Variants in CIBAR1 observed in about 807,000 individuals in gnomAD.
The protein encoded by CIBAR1 is CBY1-interacting BAR domain-containing protein 1.
CIBAR1 carries 25 observed loss-of-function variants against 44.0 expected under a neutral mutation model. That is an observed-to-expected ratio of 0.57 (90% CI 0.41 to 0.79). CIBAR1 has a LOEUF of 0.79. Ranked by LOEUF, CIBAR1 falls within the 30% of genes least tolerant of loss-of-function variation. The probability of loss-of-function intolerance (pLI) is 0.00; values close to 1 mark genes in which losing one functional copy is unlikely to be tolerated. For synonymous variants in CIBAR1, 115 were observed against 119.0 expected (o/e 0.97, Z 0.22); for missense variants, 278 against 344.8 (o/e 0.81, Z 1.53).
Position 93,717,242 on chromosome 8 carries a change from C to G in CIBAR1, c.544-1433C>G, listed in dbSNP as rs116042095. ...TAGGAGTTTCCACACTCAAGAAAAC[C>G]TGACTCCTTTCTGGTTTGCAACTAT... On this transcript the variant is annotated intron_variant, in intron 6 of 8. Coordinates refer to ENST00000518322, the MANE Select transcript of CIBAR1 (RefSeq NM_145269.5). Among the ~76,000 whole-genome samples, 720 of 152,338 alleles carry G rather than the reference C, an allele frequency of 4.7e-3. 1 individual carries two copies. The highest frequency in any genetic ancestry group is 0.016 in the African/African-American group (671 of 41,572).
intron 6 of CIBAR1, among the ~76,000 whole-genome samples, chr8:93,714,309 T>C (rs115317327): frequency 1.7e-3 from 258 of 152,372 alleles, no homozygotes; most frequent in African/African-American, 5.5e-3. Context: ...TACTGACTTA[T>C]GTCTTACAAC....
At position 93,701,365 on chromosome 8, in the gene CIBAR1, C is replaced by T. The variant is rs780360404; in HGVS notation, c.168C>T (p.Asn56=). The T allele has an allele frequency of 3.7e-6, 6 of 1,613,784 alleles. No individual in the cohort carries two copies. Among genetic ancestry groups the T allele is most frequent in the African/African-American group, 1.3e-5 (1 of 74,982 alleles). Residue 56 remains asparagine (N), a synonymous_variant, in exon 2 of 9, where the codon AAC becomes AAT. Coordinates refer to ENST00000518322, the MANE Select transcript of CIBAR1 (RefSeq NM_145269.5). ...CAGACCTCCTGGTGAATGAAATTAA[C>T]GCGTATGCTGCTACAGAGACCCCGC... ...DKADLLVNEI[N]AYAATETPHL... is the part of the protein sequence containing the mutation.
At chr8:93,701,176 C>T in intron 1 of CIBAR1, 48 bp from the exon 2 acceptor site, 1 of 1,574,118 alleles carries the variant, frequency 6.4e-7, no homozygotes, top group African/African-American at 1.4e-5. Flanking sequence ...GTGAAGCCTT[C>T]TCATCTCTAA....
At chr8:93,716,916 G>C (rs561183473) in intron 6 of CIBAR1, among the ~76,000 whole-genome samples, 1 of 152,184 alleles carries the variant, frequency 6.6e-6, no homozygotes, top group African/African-American at 2.4e-5. Context: ...TTTCCTCTTT[G>C]CGAAAATGTT....
rs554540512 is a variant in CIBAR1, at chr8:93,728,541, G to A, written c.*244G>A. On this transcript the variant is annotated 3_prime_UTR_variant, in exon 9 of 9. Coordinates refer to ENST00000518322, the MANE Select transcript of CIBAR1 (RefSeq NM_145269.5). ...AAGTGCCTTTTTTTTTAAAGATGGTGTATTTCAAAGTATTTCATATTAATG... is the reference window on the plus strand; with the variant it reads ...AAGTGCCTTTTTTTTTAAAGATGGTATATTTCAAAGTATTTCATATTAATG... 12 of 309,336 alleles carry A rather than the reference G, an allele frequency of 3.9e-5. No homozygotes were observed. Among genetic ancestry groups the A allele is most frequent in the East Asian group, 2.7e-4 (4 of 14,684 alleles). 19.2% of individuals were successfully genotyped at this position (309,336 alleles called of 1,614,324 possible). A position where few individuals can be genotyped will look rare whatever the true frequency, so the allele number is the denominator to read the frequency against.
chr8:93,728,256 G>A lies in CIBAR1; in HGVS notation c.829G>A (p.Asp277Asn). ...KDQQAEDDED[D>N]ELDVTEEENF... ...TCAACAAGCAGAAGATGATGAGGAT[G>A]ACGAGTTAGATGTTACAGAAGAAGA... Residue 277 changes from aspartate to asparagine, a missense_variant, in exon 9 of 9, where the codon GAC becomes AAC. Physicochemically the swap from Asp to Asn is conservative, Grantham distance 23. Transcript: ENST00000518322. The A allele has an allele frequency of 6.3e-7, 1 of 1,598,766 alleles. No individual in the cohort carries two copies. Among genetic ancestry groups the A allele is most frequent in the Non-Finnish European group, 8.5e-7 (1 of 1,175,666 alleles).
intron 7 of CIBAR1, among the ~76,000 whole-genome samples, chr8:93,723,957 C>T (rs1229248147): frequency 6.6e-6 from 1 of 152,286 alleles, no homozygotes; most frequent in South Asian, 2.1e-4. Context: ...AGAGGCCAAG[C>T]GTGGTGGCTC....
Position 93,703,655 on chromosome 8 carries a change from G to C in CIBAR1, c.297G>C (p.Leu99Phe), listed in dbSNP as rs764870976. Residue 99 changes from leucine to phenylalanine, a missense_variant, in exon 3 of 9, where the codon TTG becomes TTC. Physicochemically the swap from Leu to Phe is conservative, Grantham distance 22 (BLOSUM62 0). Transcript: ENST00000518322. ...TTGAAGCCAAAGTAGTTGAACCCTT[G>C]AAAACTTATGGGACCATTGTGAAAA... ...ERLEAKVVEP[L>F]KTYGTIVKMK... 1.7e-5 allele frequency: 26 copies of C among 1,552,446 alleles called. No individual in the cohort carries two copies. The highest frequency in any genetic ancestry group is 2.3e-5 in the Non-Finnish European group (26 of 1,147,732).
chr8:93,725,844 G>A (rs1382659233), intron 7 of CIBAR1: 1 of 152,938 alleles, frequency 6.5e-6, no homozygotes, highest in Non-Finnish European at 1.5e-5. Flanking sequence ...GAAATGGTGG[G>A]GGTAGGGTAG....
At chr8:93,718,949 C>T (rs559587176) in intron 7 of CIBAR1, among the ~76,000 whole-genome samples, 161 bp downstream of exon 7, 3 of 152,022 alleles carry the variant, frequency 2.0e-5, no homozygotes, top group South Asian at 2.1e-4. Context: ...CTGCAACTTC[C>T]GTCTCGTGGG....
Position 93,726,177 on chromosome 8 carries a change from A to G in CIBAR1, c.658-217A>G, listed in dbSNP as rs993087048. 113 of 411,498 alleles carry G rather than the reference A, an allele frequency of 2.7e-4. No individual in the cohort carries two copies. The East Asian group carries it at 4.5e-3, about 16-fold the overall frequency. The allele number at this position is 411,498 out of a possible 1,614,324, so 25.5% of individuals were successfully genotyped here. On this transcript the variant is annotated intron_variant, in intron 7 of 8. Transcript: ENST00000518322. ...TTGTTTCATGACTAATTACTGTTTA[A>G]TATCTGTCATCATCTTACATAGTTC...
intron 7 of CIBAR1, among the ~76,000 whole-genome samples, chr8:93,722,817 A>G (rs1811318723): frequency 6.6e-6 from 1 of 152,224 alleles, no homozygotes; most frequent in African/African-American, 2.4e-5. Context: ...TATTGCCAAT[A>G]AATTGGAGTA....
At position 93,700,630 on chromosome 8, in the gene CIBAR1, G is replaced by C. The variant is rs942813204; in HGVS notation, c.-18G>C. 2.7e-6 allele frequency: 4 copies of C among 1,498,578 alleles called. No homozygotes were observed. The highest frequency in any genetic ancestry group is 2.9e-5 in the African/African-American group (2 of 68,562). 92.8% of individuals were successfully genotyped at this position (1,498,578 alleles called of 1,614,324 possible). ...GTCCTTGGGCCCCCGCAAGGTCCCC[G>C]GCCGTGCGCGAGGCAGCATGATGAG... On this transcript the variant is annotated 5_prime_UTR_variant, in exon 1 of 9. Transcript: ENST00000518322.
chr8:93,709,937 A>AAATTTAGAGT, intron 6 of CIBAR1, 62 bp downstream of exon 6: 1 of 1,264,566 alleles, frequency 7.9e-7, no homozygotes, highest in Non-Finnish European at 1.1e-6. Context: ...CTTTAATGAA[A>AAATTTAGAGT]AATTTAAATT....
In CIBAR1 at chr8:93,700,642, G is replaced by A. The variant is rs1313083368; in HGVS notation, c.-6G>A. The A allele has an allele frequency of 1.3e-6, 2 of 1,501,098 alleles. No individual in the cohort carries two copies. Among genetic ancestry groups the A allele is most frequent in the East Asian group, 5.8e-5 (2 of 34,222 alleles). 93.0% of individuals were successfully genotyped at this position (1,501,098 alleles called of 1,614,324 possible). A position where few individuals can be genotyped will look rare whatever the true frequency, so the allele number is the denominator to read the frequency against. ...CCGCAAGGTCCCCGGCCGTGCGCGA[G>A]GCAGCATGATGAGGCGCACCCTGGA... On this transcript the variant is annotated 5_prime_UTR_variant, in exon 1 of 9. Transcript: ENST00000518322.
intron 5 of CIBAR1, among the ~76,000 whole-genome samples, 199 bp downstream of exon 5, chr8:93,708,215 A>T (rs1004280830): frequency 6.6e-6 from 1 of 152,194 alleles, no homozygotes; most frequent in Admixed American, 6.5e-5. Flanking sequence ...GAGTAAATAT[A>T]ATATTAGCAC....
At chr8:93,726,183 GTCA>G (rs1811487875) in intron 7 of CIBAR1, 3 of 429,444 alleles carry the variant, frequency 7.0e-6, no homozygotes, top group Non-Finnish European at 1.3e-5. Flanking sequence ...TTTAATATCT[GTCA>G]TCATCTTACA....
chr8:93,705,034 A>T, intron 4 of CIBAR1, 24 bp downstream of exon 4: 3 of 1,538,046 alleles, frequency 2.0e-6, no homozygotes, highest in Non-Finnish European at 2.7e-6. Flanking sequence ...TTGGGTCTTT[A>T]AAAAAATGTT....
chr8:93,701,351 G>C lies in CIBAR1; in HGVS notation c.154G>C (p.Val52Leu). 6.2e-7 allele frequency: 1 copy of C among 1,613,858 alleles called. No individual in the cohort carries two copies. The highest frequency in any genetic ancestry group is 8.5e-7 in the Non-Finnish European group (1 of 1,179,866). ...ARLRDKADLLVNEINAYAATE... is the reference protein window; with the variant it reads ...ARLRDKADLLLNEINAYAATE... The stretch of plus-strand genomic sequence containing the variant: ...GCTGAGAGACAAAGCAGACCTCCTG[G>C]TGAATGAAATTAACGCGTATGCTGC... Residue 52 changes from valine to leucine, a missense_variant, in exon 2 of 9, where the codon GTG (valine) becomes CTG (leucine). Coordinates refer to ENST00000518322, the MANE Select transcript of CIBAR1 (RefSeq NM_145269.5).
Sources: allele counts gnomAD v4.1 joint callset (sites outside exome capture counted in the v4.1 genomes callset), GRCh38; gene constraint gnomAD v4.1.1; transcripts MANE v1.5; gene names NCBI Gene and HGNC (gene_info 2026-07-23, HGNC 2026-07-21).